The following SKI variants were observed in gnomAD, a reference collection of about 807,000 sequenced individuals.
SKI encodes the protein ski oncogene.
A neutral mutation model predicts 59.3 loss-of-function variants in SKI; 23 were observed. That is an observed-to-expected ratio of 0.39 (90% CI 0.28 to 0.55). The LOEUF is 0.55. SKI is among the 20% of genes least tolerant of loss of function. The pLI is 0.67. For missense variants in SKI, 1,017 were observed against 1,038.9 expected, an observed-to-expected ratio of 0.98 and a Z score of 0.29; for synonymous variants, 673 against 488.6, an observed-to-expected ratio of 1.38 and a Z score of -4.98.
rs2935275 is a variant in SKI at position 2,282,096 on chromosome 1, C to T, written c.970-20882C>T. ...GGACGCCCGAGAAGACAGGCGGTGG[C>T]GGAGATCTTCAGAGAGAGAGATGCC... On this transcript the variant is annotated intron_variant, in intron 1 of 6. Coordinates refer to ENST00000378536, the MANE Select transcript of SKI (RefSeq NM_003036.4). Among the ~76,000 whole-genome samples the T allele has an allele frequency of 6.6e-4, 50 of 76,096 alleles. 1 individual carries two copies. Among genetic ancestry groups the T allele is most frequent in the Admixed American group, 9.3e-4 (8 of 8,636 alleles). The allele number at this position is 76,096 out of a possible 152,430, so 49.9% of individuals were successfully genotyped here.
rs560477160 is a variant in SKI, at chr1:2,276,489, A to C, written c.970-26489A>C. Among the ~76,000 whole-genome samples, 29 of 152,328 alleles carry C rather than the reference A, an allele frequency of 1.9e-4. 1 individual carries two copies. The South Asian group carries it at 5.8e-3, about 31-fold the overall frequency. On this transcript the variant is annotated intron_variant, in intron 1 of 6. Transcript: ENST00000378536. ...CCCTGGGATTGGGGAGCCAGGGCTG[A>C]GGGCCTGTAGGGCCCCCTGTCTGTG... is the stretch of plus-strand genomic sequence containing the variant.
rs554715623 is a variant in SKI, at chr1:2,303,942, C to T, written c.1314C>T (p.Ala438=). The T allele has an allele frequency of 1.4e-5, 22 of 1,611,750 alleles. No individual in the cohort carries two copies. The highest frequency in any genetic ancestry group is 5.5e-5 in the South Asian group (5 of 91,012). ...TGAGCAGCCCTCCGTGTGCCGCCGC[C>T]GTCTCCCGGGCCCCCGAGCCTCTCG... is the stretch of plus-strand genomic sequence containing the variant. ...KVVSSPPCAA[A]VSRAPEPLAT... Residue 438 remains alanine, a synonymous_variant, in exon 4 of 7, where the codon GCC becomes GCT. Coordinates refer to ENST00000378536, the MANE Select transcript of SKI (RefSeq NM_003036.4). This position sits in a 1 kb window ranked among gnomAD's most constrained non-coding sequence, Gnocchi z 5.6.
intron 1 of SKI, among the ~76,000 whole-genome samples, chr1:2,298,906 C>G (rs983979083): frequency 6.6e-6 from 1 of 152,254 alleles, no homozygotes; most frequent in Non-Finnish European, 1.5e-5. Context: ...CTCCCGCCTC[C>G]CCGGAGTCTT....
In SKI at chr1:2,304,526, C is replaced by A. The variant is rs377517039; in HGVS notation, c.1708C>A (p.Arg570Ser). 1.3e-6 allele frequency: 2 copies of A among 1,581,084 alleles called. No individual in the cohort carries two copies. The highest frequency in any genetic ancestry group is 2.4e-5 in the East Asian group (1 of 42,552). Reference sequence around the variant, plus strand: ...GTTCCTGCATGAGGTGGTCAAGATGCGCGTGAAGCAGGAGGAGAAGCTCAG... The same window carrying A: ...GTTCCTGCATGAGGTGGTCAAGATGAGCGTGAAGCAGGAGGAGAAGCTCAG... Reference protein sequence around the residue: ...EKFLHEVVKMRVKQEEKLSAA... With the variant: ...EKFLHEVVKMSVKQEEKLSAA... The change falls in exon 5 of 7, where the codon CGC becomes AGC. Residue 570 changes from arginine to serine, a missense_variant. Transcript: ENST00000378536.
rs758928152 is a variant in SKI, at chr1:2,229,363, CAAG to C, written c.601_603del (p.Lys201del). 2.5e-6 allele frequency: 4 copies of C among 1,599,224 alleles called. No homozygotes were observed. Among genetic ancestry groups the C allele is most frequent in the African/African-American group, 1.3e-5 (1 of 74,560 alleles). On this transcript the variant is annotated inframe_deletion, in exon 1 of 7. Transcript: ENST00000378536. This position sits in a 1 kb window ranked among gnomAD's most constrained non-coding sequence, Gnocchi z 6.3. ...ACGGCGGCGCCTACCCGCCGCCCTG[CAAG>C]AAGGAGCTGGCCGCCAGCCTGGCGC... is the stretch of plus-strand genomic sequence containing the variant.
At chr1:2,288,562 T>C (rs1569825579) in intron 1 of SKI, among the ~76,000 whole-genome samples, 1 of 152,274 alleles carries the variant, frequency 6.6e-6, no homozygotes, top group East Asian at 1.9e-4. Flanking sequence ...TGCTCGTGCG[T>C]GCACATTTGT....
intron 1 of SKI, among the ~76,000 whole-genome samples, chr1:2,271,154 G>A (rs986736192): frequency 3.3e-5 from 5 of 152,086 alleles, no homozygotes; most frequent in Non-Finnish European, 5.9e-5. Flanking sequence ...TGTGATTGGC[G>A]ACCCCAGGGT....
chr1:2,302,479 C>T (rs1320523420), intron 1 of SKI, among the ~76,000 whole-genome samples: 1 of 152,190 alleles, frequency 6.6e-6, no homozygotes, highest in East Asian at 1.9e-4. Context: ...CCCTGTGCCG[C>T]AGCTGCCCTT....
At chr1:2,280,670 GCGGCGGCGA>G in intron 1 of SKI, among the ~76,000 whole-genome samples, 1 of 105,576 alleles carries the variant, frequency 9.5e-6, no homozygotes, top group African/African-American at 3.8e-5. Flanking sequence ...AAGACAGGCG[GCGGCGGCGA>G]TCTTCAGAGA....
chr1:2,238,601 G>A (rs1045777924), intron 1 of SKI, among the ~76,000 whole-genome samples: 8 of 152,218 alleles, frequency 5.3e-5, no homozygotes, highest in Admixed American at 1.3e-4. Context: ...GGTGAGCGTG[G>A]GGTCTGGACT....
intron 1 of SKI, among the ~76,000 whole-genome samples, chr1:2,276,849 C>T (rs929942479): frequency 7.2e-5 from 11 of 152,158 alleles, no homozygotes; most frequent in East Asian, 1.9e-4. Flanking sequence ...TGTTCAGGAA[C>T]GCCTCTGTTG....
intron 1 of SKI, among the ~76,000 whole-genome samples, chr1:2,286,385 C>A (rs1281328222): frequency 6.6e-6 from 1 of 152,078 alleles, no homozygotes; most frequent in African/African-American, 2.4e-5. Context: ...CCCAGCTACT[C>A]TAGAGGCTGA....
At position 2,282,509 on chromosome 1, in the gene SKI, T is replaced by C. The variant is rs185943860; in HGVS notation, c.970-20469T>C. On this transcript the variant is annotated intron_variant, in intron 1 of 6. Coordinates refer to ENST00000378536, the MANE Select transcript of SKI (RefSeq NM_003036.4). ...TGGAGATCTTCAGAGAGAGGACGCC[T>C]GAGAAGACAGGCAGTGGCGGAGATC... Among the ~76,000 whole-genome samples, 248 of 108,852 alleles carry C rather than the reference T, an allele frequency of 2.3e-3. 3 individuals are homozygous for C. The highest frequency in any genetic ancestry group is 6.6e-3 in the Middle Eastern group (1 of 152). 71.4% of individuals were successfully genotyped at this position (108,852 alleles called of 152,430 possible).
intron 1 of SKI, among the ~76,000 whole-genome samples, chr1:2,243,055 G>A (rs1032181061): frequency 3.3e-5 from 5 of 152,386 alleles, no homozygotes; most frequent in South Asian, 4.1e-4. Context: ...GTGTGAACGC[G>A]GTTCCCCACC....
chr1:2,234,848 A>G (rs192976547), intron 1 of SKI, among the ~76,000 whole-genome samples: 1 of 152,324 alleles, frequency 6.6e-6, no homozygotes, highest in East Asian at 1.9e-4. Context: ...AGAGCTGGAA[A>G]AGAAGGCCCC....
At chr1:2,292,246 G>T (rs1189197973) in intron 1 of SKI, among the ~76,000 whole-genome samples, 1 of 152,200 alleles carries the variant, frequency 6.6e-6, no homozygotes, top group East Asian at 1.9e-4. Context: ...GAGTTGCCAC[G>T]TAGGAGAGCA....
At chr1:2,237,988 C>T (rs910171048) in intron 1 of SKI, among the ~76,000 whole-genome samples, 12 of 152,220 alleles carry the variant, frequency 7.9e-5, no homozygotes, top group Non-Finnish European at 1.6e-4. Context: ...GCGTCTCTCC[C>T]CGGTGCCCTC....
intron 1 of SKI, among the ~76,000 whole-genome samples, chr1:2,245,091 A>G (rs1173263627): frequency 6.6e-6 from 1 of 151,896 alleles, no homozygotes; most frequent in African/African-American, 2.4e-5. Context: ...CTCACTCCCC[A>G]TTCTGCCTCC....
chr1:2,263,007 C>G (rs1639420876), intron 1 of SKI, among the ~76,000 whole-genome samples: 1 of 151,820 alleles, frequency 6.6e-6, no homozygotes, highest in African/African-American at 2.4e-5. Flanking sequence ...TCAAATGATT[C>G]TCCTGCCTCA....
Sources: gnomAD v4.1 joint callset for allele counts (sites outside exome capture counted in the v4.1 genomes callset) on GRCh38, gnomAD v4.1.1 for gene constraint, Gnocchi (gnomAD v3.1) non-coding constraint, MANE v1.5 for transcripts, NCBI Gene and HGNC (gene_info 2026-07-23, HGNC 2026-07-21) for gene names.